The following ZNF276 variants were observed in gnomAD, a reference collection of about 807,000 sequenced individuals.
The protein encoded by ZNF276 is centromere protein Z.
Under a neutral mutation model 63.9 loss-of-function variants are expected in ZNF276, and 59 were observed. The ratio of observed to expected loss-of-function variants is 0.92; its 90% CI spans 0.75 to 1.15. ZNF276 has a LOEUF of 1.15. Among genes scored for constraint, ZNF276 ranks in the 50% most tolerant of loss-of-function variants. ZNF276 has a pLI of 0.00. For missense variants in ZNF276, 1,084 were observed against 843.8 expected, an observed-to-expected ratio of 1.28 and a Z score of -3.53; for synonymous variants, 496 against 348.4, an observed-to-expected ratio of 1.42 and a Z score of -4.72.
intron 1 of ZNF276, 74 bp downstream of exon 1, chr16:89,721,919 C>T: frequency 2.9e-6 from 3 of 1,048,312 alleles, no homozygotes; most frequent in Non-Finnish European, 3.6e-6. Context: ...GCACTGACGC[C>T]CGGAAGCCGG....
rs368947676 is a variant in ZNF276 at position 89,737,903 on chromosome 16, G to T, written c.1572G>T (p.Leu524Phe). Residue 524 changes from leucine (L) to phenylalanine (F), a missense_variant and splice_region_variant, in exon 10 of 11, where the codon TTG becomes TTT. Coordinates refer to ENST00000443381, the MANE Select transcript of ZNF276 (RefSeq NM_001113525.2). ...HQMRHSGAKPLQCEVCGFQCR... is the reference protein window; with the variant it reads ...HQMRHSGAKPFQCEVCGFQCR... ...TGCGACATTCGGGAGCCAAGCCTTT[G>T]CAGTAAGTGTGAGTCAGGACCCCCT... 53 of 1,603,260 alleles carry T rather than the reference G, an allele frequency of 3.3e-5. No individual in the cohort carries two copies. The highest frequency in any genetic ancestry group is 4.5e-5 in the Non-Finnish European group (53 of 1,178,742).
chr16:89,733,920 G>C lies in ZNF276; in HGVS notation c.1357-1G>C. On this transcript the variant is annotated splice_acceptor_variant, in intron 8 of 10. Coordinates refer to ENST00000443381, the MANE Select transcript of ZNF276 (RefSeq NM_001113525.2). LOFTEE classifies it high-confidence loss of function. Reference sequence around the variant, plus strand: ...GGTCTCTCACCGAGTCTCTCCTTCAGAAGCACATCAAGGAGCACCACGAGG... The same window carrying C: ...GGTCTCTCACCGAGTCTCTCCTTCACAAGCACATCAAGGAGCACCACGAGG... 6.2e-7 allele frequency: 1 copy of C among 1,613,544 alleles called. No homozygotes were observed. Among genetic ancestry groups the C allele is most frequent in the Non-Finnish European group, 8.5e-7 (1 of 1,179,768 alleles).
chr16:89,728,548 A>G (rs187089803), intron 5 of ZNF276, among the ~76,000 whole-genome samples: 306 of 151,974 alleles, frequency 2.0e-3, no homozygotes, highest in South Asian at 9.2e-3. Context: ...GACTACAGGC[A>G]CCCGCCACCA....
chr16:89,734,275 C>G (rs1223966409), intron 9 of ZNF276, among the ~76,000 whole-genome samples: 2 of 152,186 alleles, frequency 1.3e-5, no homozygotes, highest in African/African-American at 4.8e-5. Flanking sequence ...GGCAGTTTGT[C>G]AAAACTAATA....
chr16:89,729,399 G>C (rs1398996558), intron 6 of ZNF276, 81 bp downstream of exon 6: 9 of 1,266,878 alleles, frequency 7.1e-6, no homozygotes, highest in Non-Finnish European at 1.0e-5. Flanking sequence ...CCTCTCCCCG[G>C]TGCCCACTCA....
rs2151709730 is a variant in ZNF276, at chr16:89,738,641, G to A, written c.*395G>A. On this transcript the variant is annotated 3_prime_UTR_variant, in exon 11 of 11. Coordinates refer to ENST00000443381, the MANE Select transcript of ZNF276 (RefSeq NM_001113525.2). The stretch of plus-strand genomic sequence containing the variant: ...CTCCTGGGACAGGTCAGCGTCAGGG[G>A]CAGCCTGCTGTCTGCTCTGGAGGGC... The A allele has an allele frequency of 1.2e-6, 2 of 1,613,710 alleles. No individual in the cohort carries two copies. Among genetic ancestry groups the A allele is most frequent in the Non-Finnish European group, 1.7e-6 (2 of 1,180,044 alleles).
chr16:89,731,335 C>T (rs1456691950), intron 6 of ZNF276, among the ~76,000 whole-genome samples: 1 of 152,220 alleles, frequency 6.6e-6, no homozygotes, highest in Non-Finnish European at 1.5e-5. Flanking sequence ...CTCACTGCAA[C>T]CTCCGCCTCC....
At chr16:89,720,735 G>T, upstream of ZNF276, 6 of 1,425,144 alleles carry the variant, frequency 4.2e-6, no homozygotes, top group Non-Finnish European at 5.5e-6. Context: ...ACCCTCAGCG[G>T]CCAAGCCCCG....
intron 9 of ZNF276, among the ~76,000 whole-genome samples, chr16:89,734,408 C>G (rs1266682435): frequency 6.6e-6 from 1 of 152,218 alleles, no homozygotes; most frequent in African/African-American, 2.4e-5. Flanking sequence ...TCACCACAAC[C>G]TCTGCCTCCC....
In ZNF276 at chr16:89,739,637, T is replaced by A. The variant is rs949700788; in HGVS notation, c.*1391T>A. On this transcript the variant is annotated 3_prime_UTR_variant, in exon 11 of 11. Coordinates refer to ENST00000443381, the MANE Select transcript of ZNF276 (RefSeq NM_001113525.2). ...GGGGACACCCCTGGGGGTCGGGACGTGTACCCTGGGAGGCCTGGCTGTGGG... is the reference window on the plus strand; with the variant it reads ...GGGGACACCCCTGGGGGTCGGGACGAGTACCCTGGGAGGCCTGGCTGTGGG... 2 of 1,518,390 alleles carry A rather than the reference T, an allele frequency of 1.3e-6. No individual in the cohort carries two copies. The highest frequency in any genetic ancestry group is 1.8e-6 in the Non-Finnish European group (2 of 1,118,456). The allele number at this position is 1,518,390 out of a possible 1,614,324, so 94.1% of individuals were successfully genotyped here.
In ZNF276 at chr16:89,723,677, C is replaced by T. The variant is rs751460427; in HGVS notation, c.974C>T (p.Pro325Leu). 4 of 1,611,804 alleles carry T rather than the reference C, an allele frequency of 2.5e-6. No individual in the cohort carries two copies. Among genetic ancestry groups the T allele is most frequent in the Middle Eastern group, 1.7e-4 (1 of 6,056 alleles). ...GTGGGGCCCAGGTCGGGCTTCCCACCTCAGCCAAGCCTGCCCCTTTGCAGG... is the reference window on the plus strand; with the variant it reads ...GTGGGGCCCAGGTCGGGCTTCCCACTTCAGCCAAGCCTGCCCCTTTGCAGG... ...DAVGPRSGFP[P>L]QPSLPLCRAP... The change falls in exon 4 of 11, where the codon CCT (proline) becomes CTT (leucine). Residue 325 changes from proline to leucine, a missense_variant. Transcript: ENST00000443381.
Position 89,737,864 on chromosome 16 carries a change from T to G in ZNF276, c.1533T>G (p.Leu511=), listed in dbSNP as rs760386026. 5.1e-5 allele frequency: 82 copies of G among 1,614,154 alleles called. No individual in the cohort carries two copies. The highest frequency in any genetic ancestry group is 6.8e-5 in the Non-Finnish European group (80 of 1,180,024). The change falls in exon 10 of 11, where the codon CTT becomes CTG. Residue 511 remains leucine, a synonymous_variant. Transcript: ENST00000443381. ...CGQTFKQRKH[L]LVHQMRHSGA... ...AAACCTTCAAGCAGCGGAAGCACCT[T>G]CTCGTCCACCAAATGCGACATTCGG...
In ZNF276 at chr16:89,733,333, G is replaced by A. The variant is rs549124474; in HGVS notation, c.1201G>A (p.Ala401Thr). ...VSGKKSESKEAKKSEEPRIRK... is the reference protein window; with the variant it reads ...VSGKKSESKETKKSEEPRIRK... Reference sequence around the variant, plus strand: ...TGGTAAGAAGAGTGAAAGCAAAGAAGCCAAGAAGTCTGAAGAACCAAGAAT... The same window carrying A: ...TGGTAAGAAGAGTGAAAGCAAAGAAACCAAGAAGTCTGAAGAACCAAGAAT... The change falls in exon 7 of 11, where the codon GCC (alanine) becomes ACC (threonine). Residue 401 changes from alanine (A) to threonine (T), a missense_variant. Transcript: ENST00000443381. 2.7e-5 allele frequency: 44 copies of A among 1,614,166 alleles called. No individual in the cohort carries two copies. In the South Asian group the frequency reaches 4.1e-4, roughly 15 times the overall value.
In ZNF276 at chr16:89,737,840, A is replaced by G; in HGVS notation, c.1509A>G (p.Gln503=). ...VRNYICDECG[Q]TFKQRKHLLV... is the part of the protein sequence containing the mutation. ...ACTATATCTGTGACGAATGTGGACA[A>G]ACCTTCAAGCAGCGGAAGCACCTTC... The change falls in exon 10 of 11, where the codon CAA becomes CAG. Residue 503 remains glutamine, a synonymous_variant. Coordinates refer to ENST00000443381, the MANE Select transcript of ZNF276 (RefSeq NM_001113525.2). 6.2e-7 allele frequency: 1 copy of G among 1,614,194 alleles called. No homozygotes were observed. Among genetic ancestry groups the G allele is most frequent in the South Asian group, 1.1e-5 (1 of 91,086 alleles).
chr16:89,723,797 C>T (rs1008717479), intron 4 of ZNF276, 88 bp downstream of exon 4: 11 of 1,326,520 alleles, frequency 8.3e-6, no homozygotes, highest in South Asian at 1.4e-5. Flanking sequence ...GTCTCCACTG[C>T]TCTAGGTGGT....
At chr16:89,737,508 G>A (rs1316164201) in intron 9 of ZNF276, 20 of 400,370 alleles carry the variant, frequency 5.0e-5, no homozygotes, top group South Asian at 1.5e-4. Context: ...GTAACAGAGC[G>A]AAACTCCATC....
At position 89,740,463 on chromosome 16, in the gene ZNF276, C is replaced by T. The variant is rs904663457; in HGVS notation, c.*2217C>T. 1.1e-5 allele frequency: 5 copies of T among 456,108 alleles called. No individual in the cohort carries two copies. The highest frequency in any genetic ancestry group is 4.1e-5 in the East Asian group (1 of 24,154). 28.3% of individuals were successfully genotyped at this position (456,108 alleles called of 1,614,324 possible). ...CCAGCCTGGCAATATGGTGAAACCCCGTCTCTACTAAAAATACAAAAATTA... is the reference window on the plus strand; with the variant it reads ...CCAGCCTGGCAATATGGTGAAACCCTGTCTCTACTAAAAATACAAAAATTA... On this transcript the variant is annotated 3_prime_UTR_variant, in exon 11 of 11. Coordinates refer to ENST00000443381, the MANE Select transcript of ZNF276 (RefSeq NM_001113525.2).
Position 89,722,462 on chromosome 16 carries a change from G to A in ZNF276, c.206-69G>A, listed in dbSNP as rs777121113. 5.3e-6 allele frequency: 8 copies of A among 1,505,864 alleles called. No individual in the cohort carries two copies. The East Asian group carries it at 1.8e-4, about 34-fold the overall frequency. The allele number at this position is 1,505,864 out of a possible 1,614,324, so 93.3% of individuals were successfully genotyped here. ...GCTGCAGGCGCTGCCCTCGGACCTG[G>A]AGTCCGGGACGCCCTGTGCTCAGGA... On this transcript the variant is annotated intron_variant, in intron 1 of 10. Coordinates refer to ENST00000443381, the MANE Select transcript of ZNF276 (RefSeq NM_001113525.2).
Position 89,738,402 on chromosome 16 carries a change from T to C in ZNF276, c.*156T>C, listed in dbSNP as rs1205246810. ...GTGTCCGGCTCAAGTAGCCTTCCTC[T>C]GCTCTGGGACCAGTGGTTTATTTTC... On this transcript the variant is annotated 3_prime_UTR_variant, in exon 11 of 11. Transcript: ENST00000443381. 2 of 1,378,102 alleles carry C rather than the reference T, an allele frequency of 1.5e-6. No homozygotes were observed. The highest frequency in any genetic ancestry group is 2.5e-5 in the East Asian group (1 of 39,988). 85.4% of individuals were successfully genotyped at this position (1,378,102 alleles called of 1,614,324 possible).
Sources: gnomAD v4.1 joint callset for allele counts (sites outside exome capture counted in the v4.1 genomes callset) on GRCh38, gnomAD v4.1.1 for gene constraint, MANE v1.5 for transcripts, NCBI Gene and HGNC (gene_info 2026-07-23, HGNC 2026-07-21) for gene names.